ARV1: variants seen among roughly 807,000 people sequenced by gnomAD.
The protein encoded by ARV1 is ARV1 fatty acid homeostasis modulator, also known as protein ARV1.
Under a neutral mutation model 31.1 loss-of-function variants are expected in ARV1, and 26 were observed. The observed-to-expected ratio is 0.84, with a 90% CI of 0.61 to 1.16. The LOEUF (loss-of-function observed/expected upper bound fraction) is 1.16. ARV1 is among the 50% of genes most tolerant of loss of function. The pLI is 0.00. For synonymous variants in ARV1, 117 were observed against 123.2 expected, an observed-to-expected ratio of 0.95 and a Z score of 0.34; for missense variants, 281 against 324.9, an observed-to-expected ratio of 0.86 and a Z score of 1.04.
chr1:230,983,272 C>T (rs1290845564), intron 1 of ARV1, among the ~76,000 whole-genome samples: 7 of 152,012 alleles, frequency 4.6e-5, no homozygotes, highest in South Asian at 2.1e-4. Context: ...ATTAGCCAGG[C>T]GTGGTGGCGC....
At chr1:230,988,624 G>C (rs1194622606) in intron 2 of ARV1, among the ~76,000 whole-genome samples, 185 bp downstream of exon 2, 1 of 152,136 alleles carries the variant, frequency 6.6e-6, no homozygotes, top group African/African-American at 2.4e-5. Context: ...ATTTTGAAAG[G>C]TGCACAATGC....
At chr1:230,987,636 G>A (rs1332003280) in intron 1 of ARV1, among the ~76,000 whole-genome samples, 1 of 152,180 alleles carries the variant, frequency 6.6e-6, no homozygotes, top group African/African-American at 2.4e-5. Context: ...GAGCTAGGCT[G>A]CACAGCCTAG....
At chr1:230,989,070 T>C (rs897004156) in intron 2 of ARV1, among the ~76,000 whole-genome samples, 1 of 152,212 alleles carries the variant, frequency 6.6e-6, no homozygotes, top group African/African-American at 2.4e-5. Context: ...GCATGGAACA[T>C]ACTTATACAA....
intron 1 of ARV1, among the ~76,000 whole-genome samples, chr1:230,980,378 C>T (rs1678840244): frequency 6.6e-6 from 1 of 151,774 alleles, no homozygotes; most frequent in African/African-American, 2.4e-5. Flanking sequence ...CCTCTGTCAC[C>T]CAGGCTGGAG....
intron 1 of ARV1, among the ~76,000 whole-genome samples, chr1:230,984,343 CGTGTGTGT>C (rs374689782): frequency 1.7e-5 from 2 of 119,224 alleles, no homozygotes; most frequent in African/African-American, 2.9e-5. Context: ...TTGTTTGTTT[CGTGTGTGT>C]GTGTGTGTGT....
chr1:230,995,593 AAC>A (rs1491346393), intron 3 of ARV1, among the ~76,000 whole-genome samples, 165 bp from the exon 4 acceptor site: 4 of 149,622 alleles, frequency 2.7e-5, no homozygotes, highest in Non-Finnish European at 3.0e-5. Flanking sequence ...AAAAAAAAAA[AAC>A]AACACACAAA....
intron 3 of ARV1, chr1:230,990,681 A>G: frequency 5.7e-6 from 2 of 349,314 alleles, no homozygotes; most frequent in South Asian, 4.4e-5. Context: ...CGGCCCCCCC[A>G]GGTAGCTGGA....
chr1:230,996,458 T>C (rs1323230410), intron 4 of ARV1, among the ~76,000 whole-genome samples: 1 of 152,134 alleles, frequency 6.6e-6, no homozygotes, highest in Non-Finnish European at 1.5e-5. Flanking sequence ...ATTTTATTTA[T>C]TTTTTTGAGA....
chr1:230,983,197 G>A (rs1045796804), intron 1 of ARV1, among the ~76,000 whole-genome samples: 4 of 152,022 alleles, frequency 2.6e-5, no homozygotes, highest in African/African-American at 7.2e-5. Flanking sequence ...GGCGGAGCAC[G>A]AGGTCAGGAG....
intron 1 of ARV1, among the ~76,000 whole-genome samples, chr1:230,985,318 G>A (rs1222684395): frequency 3.9e-5 from 6 of 152,134 alleles, no homozygotes; most frequent in African/African-American, 7.2e-5. Context: ...CATTGTAGCC[G>A]TTGGATGTTA....
At chr1:230,990,864 C>A (rs1434973591) in intron 3 of ARV1, among the ~76,000 whole-genome samples, 1 of 152,144 alleles carries the variant, frequency 6.6e-6, no homozygotes, top group Non-Finnish European at 1.5e-5. Flanking sequence ...AGCCACTGTG[C>A]CTGGCCAATA....
In ARV1 at chr1:230,995,886, T is replaced by C; in HGVS notation, c.575T>C (p.Leu192Ser). The change falls in exon 4 of 6, where the codon TTG (leucine) becomes TCG (serine). Residue 192 changes from leucine (L) to serine (S), a missense_variant. Coordinates refer to ENST00000310256, the MANE Select transcript of ARV1 (RefSeq NM_022786.3). ...TTATTATCTAGCTACGGAAAACTCT[T>C]GCTGATTCCAGCTGTCATTTGGGAA... ...ALLLSSYGKL[L>S]LIPAVIWEHD... 1 of 1,614,186 alleles carries C rather than the reference T, an allele frequency of 6.2e-7. No individual in the cohort carries two copies. Among genetic ancestry groups the C allele is most frequent in the Non-Finnish European group, 8.5e-7 (1 of 1,180,030 alleles).
At chr1:230,999,377 A>G (rs1275733744) in intron 5 of ARV1, among the ~76,000 whole-genome samples, 2 of 152,040 alleles carry the variant, frequency 1.3e-5, no homozygotes, top group Admixed American at 6.6e-5. Context: ...TGCAACCCAT[A>G]CTGCTGCCAT....
chr1:230,998,076 T>C (rs1274810650), intron 5 of ARV1, among the ~76,000 whole-genome samples: 4 of 152,192 alleles, frequency 2.6e-5, no homozygotes, highest in African/African-American at 7.2e-5. Context: ...CTTTCCTCCT[T>C]CTCTCCTTCC....
intron 5 of ARV1, among the ~76,000 whole-genome samples, 173 bp downstream of exon 5, chr1:230,997,440 C>A (rs1679402200): frequency 6.6e-6 from 1 of 152,028 alleles, no homozygotes; most frequent in African/African-American, 2.4e-5. Flanking sequence ...CAGGGGTCTT[C>A]ACTTTAGTTC....
At position 230,997,204 on chromosome 1, in the gene ARV1, C is replaced by G; in HGVS notation, c.757C>G (p.Gln253Glu). ...GGAAAGCATCATGGTCTACTTCTTC[C>G]AGAGTATGGAATGGGATGTTGGAAG... The part of the protein sequence containing the change: ...LLESIMVYFF[Q>E]SMEWDVGSDY... Residue 253 changes from glutamine (Q) to glutamate (E), a missense_variant, in exon 5 of 6, where the codon CAG becomes GAG. Transcript: ENST00000310256. The G allele has an allele frequency of 6.2e-7, 1 of 1,613,922 alleles. No individual in the cohort carries two copies. The highest frequency in any genetic ancestry group is 8.5e-7 in the Non-Finnish European group (1 of 1,179,830).
intron 1 of ARV1, among the ~76,000 whole-genome samples, chr1:230,986,065 T>C (rs7416662): frequency 0.34 from 50,879 of 151,682 alleles, 8,813 homozygotes; most frequent in Middle Eastern, 0.57. Flanking sequence ...TACAGGCACC[T>C]GCCACCACGC....
intron 1 of ARV1, among the ~76,000 whole-genome samples, chr1:230,979,714 G>A (rs537862018): frequency 6.6e-6 from 1 of 152,138 alleles, no homozygotes; most frequent in East Asian, 1.9e-4. Context: ...GATGTCTACG[G>A]TGTACAAAGC....
chr1:230,988,713 C>T (rs1366438729), intron 2 of ARV1, among the ~76,000 whole-genome samples: 1 of 152,122 alleles, frequency 6.6e-6, no homozygotes, highest in South Asian at 2.1e-4. Context: ...TAAATTGAAA[C>T]AATCATCACT....
Sources: allele counts gnomAD v4.1 joint callset (sites outside exome capture counted in the v4.1 genomes callset), GRCh38; gene constraint gnomAD v4.1.1; transcripts MANE v1.5; gene names NCBI Gene and HGNC (gene_info 2026-07-23, HGNC 2026-07-21).